COL5A1: variants seen among roughly 807,000 people sequenced by gnomAD.
COL5A1 encodes collagen alpha-1(V) chain.
COL5A1 carries 16 observed loss-of-function variants against 263.7 expected under a neutral mutation model. The ratio of observed to expected loss-of-function variants is 0.06; its 90% CI spans 0.04 to 0.09. COL5A1 has a LOEUF of 0.09. Among genes scored for constraint, COL5A1 ranks in the 10% least tolerant of loss-of-function variants. The pLI is 1.00. For missense variants in COL5A1, 2,036 were observed against 2,540.5 expected (o/e 0.80, Z 4.27); for synonymous variants, 1,012 against 1,004.5 (o/e 1.01, Z -0.14).
intron 28 of COL5A1, among the ~76,000 whole-genome samples, chr9:134,782,048 C>T (rs973714831): frequency 6.6e-5 from 10 of 152,212 alleles, no homozygotes; most frequent in East Asian, 1.9e-4. Flanking sequence ...CTGCGGTTTC[C>T]GGGATGGGGA....
intron 63 of COL5A1, among the ~76,000 whole-genome samples, chr9:134,826,764 G>A (rs1839290764): frequency 6.8e-6 from 1 of 146,708 alleles, no homozygotes. Context: ...TGTGGCTGGT[G>A]TGTGGGTGTG....
chr9:134,656,263 T>TG (rs1482429442), intron 1 of COL5A1, among the ~76,000 whole-genome samples: 1 of 151,990 alleles, frequency 6.6e-6, no homozygotes, highest in Non-Finnish European at 1.5e-5. Flanking sequence ...CAGAGGAGGG[T>TG]GGGGGCCTGT....
At chr9:134,822,687 C>T (rs530815909) in intron 59 of COL5A1, among the ~76,000 whole-genome samples, 194 of 150,320 alleles carry the variant, frequency 1.3e-3, no homozygotes, top group Non-Finnish European at 2.5e-3. Context: ...TCCATCAGCC[C>T]CTTCTGAGCC....
chr9:134,696,250 G>C lies in COL5A1; in HGVS notation c.278-3659G>C, dbSNP rs546711032. Among the ~76,000 whole-genome samples the C allele has an allele frequency of 6.6e-6, 1 of 151,910 alleles. No individual in the cohort carries two copies. Among genetic ancestry groups the C allele is most frequent in the Non-Finnish European group, 1.5e-5 (1 of 67,992 alleles). ...GTGCAGTGGTGTAATCTTGGCTCAC[G>C]GCAACCTCTGCCTCCCAGGTTCAAG... On this transcript the variant is annotated intron_variant, in intron 2 of 65. Coordinates refer to ENST00000371817, the MANE Select transcript of COL5A1 (RefSeq NM_000093.5). This position sits in a 1 kb window ranked among gnomAD's most constrained non-coding sequence, Gnocchi z 4.3.
intron 20 of COL5A1, among the ~76,000 whole-genome samples, chr9:134,764,835 G>C (rs1836598503): frequency 6.6e-6 from 1 of 152,182 alleles, no homozygotes; most frequent in Admixed American, 6.5e-5. Context: ...TGGGCTGTTA[G>C]CTTCCAAGAA....
In COL5A1 at chr9:134,647,646, C is replaced by T. The variant is rs938975216; in HGVS notation, c.109+5350C>T. On this transcript the variant is annotated intron_variant, in intron 1 of 65. Transcript: ENST00000371817. The surrounding 1 kb of genome is among the most constrained non-coding windows in gnomAD (Gnocchi z 5.0). ...CTGGACGGGAGAGGAGGAGATGGCA[C>T]GTGGAACCTGCCGGTTGAGCGTGAG... Among the ~76,000 whole-genome samples, 2 of 152,136 alleles carry T rather than the reference C, an allele frequency of 1.3e-5. No individual in the cohort carries two copies. Among genetic ancestry groups the T allele is most frequent in the Non-Finnish European group, 2.9e-5 (2 of 68,022 alleles).
rs1011320951 is a variant in COL5A1 at position 134,798,980 on chromosome 9, G to A, written c.2952+519G>A. Among the ~76,000 whole-genome samples, 83 of 152,270 alleles carry A rather than the reference G, an allele frequency of 5.5e-4. 2 individuals are homozygous for A. Among genetic ancestry groups the A allele is most frequent in the African/African-American group, 1.8e-3 (76 of 41,548 alleles). On this transcript the variant is annotated intron_variant, in intron 37 of 65. Transcript: ENST00000371817. ...GCACCAACCCCACCCACGTTCACCC[G>A]GGCCCTTCCAGCTCCAATCCAGGGG...
intron 2 of COL5A1, among the ~76,000 whole-genome samples, chr9:134,698,971 C>T (rs1159000258): frequency 6.6e-6 from 1 of 152,230 alleles, no homozygotes; most frequent in East Asian, 1.9e-4. Flanking sequence ...GGACACCGCT[C>T]CTTCTGGCCC....
Position 134,690,916 on chromosome 9 carries a change from G to A in COL5A1, c.114G>A (p.Gln38=). 1.2e-6 allele frequency: 2 copies of A among 1,613,706 alleles called. No individual in the cohort carries two copies. Among genetic ancestry groups the A allele is most frequent in the Non-Finnish European group, 1.7e-6 (2 of 1,180,052 alleles). ...LWAPPPSRAA[Q]PADLLKVLDF... is the part of the protein sequence containing the mutation. ...GCTCCTCCTCTGTCATTTCAGCTCA[G>A]CCAGCAGATCTCCTGAAGGTTCTAG... is the stretch of plus-strand genomic sequence containing the variant. Residue 38 remains glutamine (Q), a synonymous_variant, in exon 2 of 66, where the codon CAG becomes CAA. Coordinates refer to ENST00000371817, the MANE Select transcript of COL5A1 (RefSeq NM_000093.5).
intron 26 of COL5A1, among the ~76,000 whole-genome samples, chr9:134,773,630 G>A (rs1362595601): frequency 6.6e-6 from 1 of 152,242 alleles, no homozygotes; most frequent in Admixed American, 6.5e-5. Flanking sequence ...ATCTCTTGAA[G>A]CAGGGCCTGT....
chr9:134,827,540 C>T (rs937467544), intron 63 of COL5A1, among the ~76,000 whole-genome samples: 3 of 152,252 alleles, frequency 2.0e-5, no homozygotes, highest in Admixed American at 1.3e-4. Flanking sequence ...CGCGGCCTGC[C>T]TCTGCAAATG....
chr9:134,793,386 G>GA (rs201551286), intron 32 of COL5A1, among the ~76,000 whole-genome samples: 24 of 151,876 alleles, frequency 1.6e-4, no homozygotes, highest in African/African-American at 4.8e-4. Context: ...AAGGAGGCTG[G>GA]GGGGGGCATT....
At position 134,706,623 on chromosome 9, in the gene COL5A1, A is replaced by G. The variant is rs78872895; in HGVS notation, c.654+5290A>G. Among the ~76,000 whole-genome samples, 1,436 of 152,316 alleles carry G rather than the reference A, an allele frequency of 9.4e-3. 11 individuals carry two copies. Among genetic ancestry groups the G allele is most frequent in the Non-Finnish European group, 0.015 (1,030 of 68,018 alleles). ...TTGCCTAAGGTCACTCAGCAACATG[A>G]CAGCAGATTGGGACCTCGGAAATCA... On this transcript the variant is annotated intron_variant, in intron 4 of 65. Transcript: ENST00000371817.
At chr9:134,749,312 T>C (rs944008717) in intron 11 of COL5A1, among the ~76,000 whole-genome samples, 4 of 152,242 alleles carry the variant, frequency 2.6e-5, no homozygotes, top group African/African-American at 9.6e-5. Flanking sequence ...GTGTCCAGCA[T>C]GTGCGTCTTC....
At position 134,678,784 on chromosome 9, in the gene COL5A1, G is replaced by A. The variant is rs776488046; in HGVS notation, c.110-12128G>A. On this transcript the variant is annotated intron_variant, in intron 1 of 65. Transcript: ENST00000371817. The surrounding 1 kb of genome is among the most constrained non-coding windows in gnomAD (Gnocchi z 5.5). ...GAGGAACGGGTGGGCCGGGCCCTGG[G>A]TGAAGGGGCTGGAGCTAAATGCCGT... 6.6e-6 allele frequency among the ~76,000 whole-genome samples: 1 copy of A among 152,252 alleles called. No individual in the cohort carries two copies. The highest frequency in any genetic ancestry group is 2.1e-4 in the South Asian group (1 of 4,836).
rs1160916345 is a variant in COL5A1 at position 134,794,021 on chromosome 9, G to A, written c.2701-1061G>A. On this transcript the variant is annotated intron_variant, in intron 32 of 65. Transcript: ENST00000371817. The surrounding 1 kb of genome is among the most constrained non-coding windows in gnomAD (Gnocchi z 4.3). ...CCAGCCATACAGATCCACCTTGGGCGGAGCATCAGAAACCAGTCAAGTTCA... is the reference window on the plus strand; with the variant it reads ...CCAGCCATACAGATCCACCTTGGGCAGAGCATCAGAAACCAGTCAAGTTCA... Among the ~76,000 whole-genome samples the A allele has an allele frequency of 1.3e-5, 2 of 152,170 alleles. No homozygotes were observed. Among genetic ancestry groups the A allele is most frequent in the African/African-American group, 2.4e-5 (1 of 41,446 alleles).
rs1354194660 is a variant in COL5A1 at position 134,716,456 on chromosome 9, G to A, written c.655-10810G>A. On this transcript the variant is annotated intron_variant, in intron 4 of 65. Coordinates refer to ENST00000371817, the MANE Select transcript of COL5A1 (RefSeq NM_000093.5). The surrounding 1 kb of genome is among the most constrained non-coding windows in gnomAD (Gnocchi z 4.5). ...TGTCTGCAGGCCCGCTGCTCCGAAA[G>A]TCAAGATGTGGAGAAGGAGCAGCTC... Among the ~76,000 whole-genome samples, 1 of 152,204 alleles carries A rather than the reference G, an allele frequency of 6.6e-6. No homozygotes were observed. The highest frequency in any genetic ancestry group is 1.9e-4 in the East Asian group (1 of 5,178).
At chr9:134,689,246 G>A (rs139914291) in intron 1 of COL5A1, among the ~76,000 whole-genome samples, 22 of 152,280 alleles carry the variant, frequency 1.4e-4, no homozygotes, top group Non-Finnish European at 2.4e-4. Flanking sequence ...GGAAACCTGC[G>A]TGGCCATCCC....
At position 134,678,772 on chromosome 9, in the gene COL5A1, G is replaced by C. The variant is rs1017668488; in HGVS notation, c.110-12140G>C. 2.0e-5 allele frequency among the ~76,000 whole-genome samples: 3 copies of C among 152,238 alleles called. No homozygotes were observed. The highest frequency in any genetic ancestry group is 7.2e-5 in the African/African-American group (3 of 41,458). On this transcript the variant is annotated intron_variant, in intron 1 of 65. Transcript: ENST00000371817. The surrounding 1 kb of genome is among the most constrained non-coding windows in gnomAD (Gnocchi z 5.5). ...TGGCCCTCGCTGGAGGAACGGGTGG[G>C]CCGGGCCCTGGGTGAAGGGGCTGGA... is the stretch of plus-strand genomic sequence containing the variant.
Sources: allele counts gnomAD v4.1 joint callset (sites outside exome capture counted in the v4.1 genomes callset), GRCh38; gene constraint gnomAD v4.1.1; non-coding constraint Gnocchi (gnomAD v3.1); transcripts MANE v1.5; gene names NCBI Gene and HGNC (gene_info 2026-07-23, HGNC 2026-07-21).